Variants in ZPBP observed in about 807,000 individuals in gnomAD.
The protein encoded by ZPBP is zona pellucida binding protein.
ZPBP carries 26 observed loss-of-function variants against 44.8 expected under a neutral mutation model. The ratio of observed to expected loss-of-function variants is 0.58; its 90% CI spans 0.43 to 0.81. The LOEUF (loss-of-function observed/expected upper bound fraction) is 0.81. Among genes scored for constraint, ZPBP ranks in the 30% least tolerant of loss-of-function variants. The pLI, the probability that ZPBP is intolerant of heterozygous loss-of-function variation, is 0.00. For missense variants in ZPBP, 409 were observed against 434.0 expected, an observed-to-expected ratio of 0.94 and a Z score of 0.51; for synonymous variants, 174 against 153.2, an observed-to-expected ratio of 1.14 and a Z score of -1.00.
At chr7:49,969,810 T>TAG (rs879572280) in intron 7 of ZPBP, among the ~76,000 whole-genome samples, 1,546 of 113,046 alleles carry the variant, frequency 0.014, 98 homozygotes, top group Admixed American at 0.12. Flanking sequence ...AATGTATATA[T>TAG]ATATATATAG....
At chr7:49,994,166 T>C (rs955110547) in intron 6 of ZPBP, among the ~76,000 whole-genome samples, 1 of 152,198 alleles carries the variant, frequency 6.6e-6, no homozygotes, top group South Asian at 2.1e-4. Context: ...TTTTGATGCA[T>C]TGCCCAAAGT....
At chr7:50,086,232 TAGAA>T (rs1802641285) in intron 2 of ZPBP, among the ~76,000 whole-genome samples, 1 of 152,026 alleles carries the variant, frequency 6.6e-6, no homozygotes. Context: ...CTCTGGGAAG[TAGAA>T]AGAATCTTAT....
In ZPBP at chr7:50,057,968, A is replaced by G. The variant is rs368467201; in HGVS notation, c.487+21T>C. 1.9e-6 allele frequency: 3 copies of G among 1,598,776 alleles called. No individual in the cohort carries two copies. In the African/African-American group the frequency reaches 4.0e-5, roughly 21 times the overall value. Reference sequence around the variant, plus strand: ...TAAAATCATTAAGAAAGGTTAAAACACAACTAACTTTACTTCTTACCATAT... The same window carrying G: ...TAAAATCATTAAGAAAGGTTAAAACGCAACTAACTTTACTTCTTACCATAT... On this transcript the variant is annotated intron_variant, in intron 4 of 7. Transcript: ENST00000046087.
At position 49,929,242 on chromosome 7, in the gene ZPBP, T is replaced by G. The variant is rs570475810; in HGVS notation, n.411+6509A>C. Among the ~76,000 whole-genome samples the G allele has an allele frequency of 2.6e-5, 4 of 152,280 alleles. No individual in the cohort carries two copies. The East Asian group carries it at 5.8e-4, about 22-fold the overall frequency. ...ATGTGTCCATAGTCATGGAAGGATA[T>G]GAACATGCCCTGGATCACAGGAAGA... On this transcript the variant is annotated intron_variant and non_coding_transcript_variant, in intron 1 of 2. Coordinates refer to the ZPBP transcript ENST00000465922.
intron 6 of ZPBP, among the ~76,000 whole-genome samples, chr7:49,992,445 G>C (rs1187238459): frequency 6.6e-6 from 1 of 152,016 alleles, no homozygotes; most frequent in Non-Finnish European, 1.5e-5. Context: ...CATAATGAAT[G>C]GAGTGAAATT....
chr7:50,023,527 C>A (rs189206691), intron 5 of ZPBP, among the ~76,000 whole-genome samples: 2 of 152,066 alleles, frequency 1.3e-5, no homozygotes, highest in East Asian at 3.9e-4. Context: ...AAATATCACA[C>A]ACTAAAAGAA....
chr7:49,945,715 CTA>C (rs1297191349), intron 7 of ZPBP, among the ~76,000 whole-genome samples: 1 of 151,684 alleles, frequency 6.6e-6, no homozygotes, highest in African/African-American at 2.4e-5. Flanking sequence ...TATTTTCAGC[CTA>C]TGTGTGTGTC....
chr7:49,935,345 A>G (rs1456726584), downstream of ZPBP, among the ~76,000 whole-genome samples: 1 of 151,300 alleles, frequency 6.6e-6, no homozygotes, highest in Non-Finnish European at 1.5e-5. Context: ...GAAATAATTA[A>G]TGTTTTCCTT....
At chr7:49,957,222 T>C (rs1234435854) in intron 7 of ZPBP, among the ~76,000 whole-genome samples, 1 of 152,240 alleles carries the variant, frequency 6.6e-6, no homozygotes, top group Non-Finnish European at 1.5e-5. Context: ...AATACATTTC[T>C]GTTCTTTATA....
intron 1 of ZPBP, among the ~76,000 whole-genome samples, chr7:49,909,654 C>A (rs944114372): frequency 1.3e-5 from 2 of 152,240 alleles, no homozygotes; most frequent in East Asian, 3.9e-4. Context: ...CAGATACTGG[C>A]CCCCTGGAAA....
intron 4 of ZPBP, among the ~76,000 whole-genome samples, chr7:50,036,079 C>G (rs1420523688): frequency 1.3e-5 from 2 of 152,158 alleles, no homozygotes; most frequent in Non-Finnish European, 2.9e-5. Context: ...CTAAAATACA[C>G]CACATTTAAA....
intron 6 of ZPBP, among the ~76,000 whole-genome samples, chr7:49,995,514 C>T (rs1254136604): frequency 2.0e-5 from 3 of 152,180 alleles, no homozygotes; most frequent in Admixed American, 6.5e-5. Flanking sequence ...CAGTCATTCT[C>T]CAAGATTTAT....
At chr7:49,937,734 C>T (rs767547186) in intron 7 of ZPBP, 112 bp from the exon 8 acceptor site, 51 of 841,092 alleles carry the variant, frequency 6.1e-5, no homozygotes, top group Non-Finnish European at 8.5e-5. Flanking sequence ...CATATTCACA[C>T]TGTTGTGCAA....
At chr7:50,014,993 A>C (rs1798756394) in intron 6 of ZPBP, among the ~76,000 whole-genome samples, 1 of 152,122 alleles carries the variant, frequency 6.6e-6, no homozygotes, top group Non-Finnish European at 1.5e-5. Flanking sequence ...ACATCAAATA[A>C]TTTTTCAGAT....
intron 2 of ZPBP, among the ~76,000 whole-genome samples, chr7:50,083,046 T>C (rs560287814): frequency 2.0e-4 from 30 of 151,976 alleles, no homozygotes; most frequent in African/African-American, 7.2e-4. Flanking sequence ...ATTTTATTGA[T>C]ATAAATTCCT....
chr7:50,074,392 A>G (rs1443311074), intron 3 of ZPBP, among the ~76,000 whole-genome samples: 3 of 152,028 alleles, frequency 2.0e-5, no homozygotes, highest in Non-Finnish European at 4.4e-5. Flanking sequence ...CCAGAAAACA[A>G]ATAATAAAAT....
intron 7 of ZPBP, among the ~76,000 whole-genome samples, chr7:49,950,003 T>A (rs1310106794): frequency 6.6e-6 from 1 of 151,876 alleles, no homozygotes; most frequent in Non-Finnish European, 1.5e-5. Flanking sequence ...TGTGACCCAA[T>A]ATTAGATAAA....
At chr7:50,057,134 G>A (rs1429310116) in intron 4 of ZPBP, among the ~76,000 whole-genome samples, 1 of 149,700 alleles carries the variant, frequency 6.7e-6, no homozygotes, top group Non-Finnish European at 1.5e-5. Context: ...GCAGTGAGCT[G>A]AGATCGCACC....
chr7:50,046,269 A>G lies in ZPBP; in HGVS notation c.487+11720T>C, dbSNP rs188939889. Among the ~76,000 whole-genome samples, 514 of 152,352 alleles carry G rather than the reference A, an allele frequency of 3.4e-3. 6 individuals carry two copies. The highest frequency in any genetic ancestry group is 2.9e-3 in the Non-Finnish European group (200 of 68,036). ...CTTCGTGACTAAAACACCAACAGCA[A>G]TGGCAACAAAAGCCAAAATTGACAA... On this transcript the variant is annotated intron_variant, in intron 4 of 7. Coordinates refer to ENST00000046087, the MANE Select transcript of ZPBP (RefSeq NM_007009.3).
Sources: gnomAD v4.1 joint callset for allele counts (sites outside exome capture counted in the v4.1 genomes callset) on GRCh38, gnomAD v4.1.1 for gene constraint, MANE v1.5 for transcripts, NCBI Gene and HGNC (gene_info 2026-07-23, HGNC 2026-07-21) for gene names.